The following ZNF107 variants were observed in gnomAD, a reference collection of about 807,000 sequenced individuals.
ZNF107 encodes the protein zinc finger protein 107, also known as C2H2 type zinc-finger protein.
A neutral mutation model predicts 12.3 loss-of-function variants in ZNF107; 19 were observed. That is an observed-to-expected ratio of 1.55 (90% CI 1.08 to 2.27). The LOEUF (loss-of-function observed/expected upper bound fraction) is 2.27, where lower values mean the gene tolerates loss of function less well. Ranked by LOEUF, ZNF107 falls within the 30% of genes most tolerant of loss-of-function variation. The pLI is 0.00. For synonymous variants in ZNF107, 317 were observed against 330.5 expected, an observed-to-expected ratio of 0.96 and a Z score of 0.44; for missense variants, 958 against 979.9, an observed-to-expected ratio of 0.98 and a Z score of 0.30.
intron 1 of ZNF107, among the ~76,000 whole-genome samples, chr7:64,689,021 T>C (rs1256637009): frequency 6.6e-6 from 1 of 152,182 alleles, no homozygotes; most frequent in Non-Finnish European, 1.5e-5. Flanking sequence ...AAAGTGTAGA[T>C]TCCTGGCAAC....
At position 64,704,778 on chromosome 7, in the gene ZNF107, C is replaced by T. The variant is rs150680479; in HGVS notation, c.227-1546C>T. Among the ~76,000 whole-genome samples, 291 of 152,124 alleles carry T rather than the reference C, an allele frequency of 1.9e-3. 1 individual carries two copies. The highest frequency in any genetic ancestry group is 6.3e-3 in the African/African-American group (261 of 41,508). On this transcript the variant is annotated intron_variant, in intron 3 of 3. Transcript: ENST00000620827. ...GCAGCCTCCACCTCCAGGGTTCAAG[C>T]GATTCTTCTGCCTCAGCTTCCCAAG...
chr7:64,687,428 G>T, intron 1 of ZNF107: 1 of 985,510 alleles, frequency 1.0e-6, no homozygotes, highest in African/African-American at 1.7e-5. Context: ...TGGCATTGAA[G>T]TGCTGCTGTG....
At position 64,700,506 on chromosome 7, in the gene ZNF107, C is replaced by CTTTTTTTTTTTT. The variant is rs141980471; in HGVS notation, c.227-5800_227-5789dup. Reference sequence around the variant, plus strand: ...GTCTGTCAAACCAAGCCAAATAAACCTTTTTTTTTTTTTTTTTTTTTTTTT... The same window carrying CTTTTTTTTTTTT: ...GTCTGTCAAACCAAGCCAAATAAACCTTTTTTTTTTTTTTTTTTTTTTTTTTTTTTTTTTTTT... On this transcript the variant is annotated intron_variant, in intron 3 of 3. Transcript: ENST00000620827. 3.6e-4 allele frequency among the ~76,000 whole-genome samples: 24 copies of CTTTTTTTTTTTT among 66,250 alleles called. 2 individuals carry two copies. Among genetic ancestry groups the CTTTTTTTTTTTT allele is most frequent in the African/African-American group, 1.2e-3 (20 of 16,230 alleles). 43.5% of individuals were successfully genotyped at this position (66,250 alleles called of 152,430 possible).
At chr7:64,695,854 A>G (rs1283228261) in intron 3 of ZNF107, among the ~76,000 whole-genome samples, 1 of 152,168 alleles carries the variant, frequency 6.6e-6, no homozygotes, top group Non-Finnish European at 1.5e-5. Context: ...TTATAATTCT[A>G]TATTTTTTTC....
rs953546715 is a variant in ZNF107 at position 64,693,003 on chromosome 7, A to C, written c.226+1043A>C. 2.1e-4 allele frequency among the ~76,000 whole-genome samples: 31 copies of C among 150,552 alleles called. 1 individual carries two copies. Among genetic ancestry groups the C allele is most frequent in the East Asian group, 1.6e-3 (8 of 5,130 alleles). Reference sequence around the variant, plus strand: ...GTTTTATTTTATTTTATTTTTCTTTATTTATTTATTTGTGAGACAGAGTCT... The same window carrying C: ...GTTTTATTTTATTTTATTTTTCTTTCTTTATTTATTTGTGAGACAGAGTCT... On this transcript the variant is annotated intron_variant, in intron 3 of 3. Coordinates refer to ENST00000620827, the MANE Select transcript of ZNF107 (RefSeq NM_001282359.2).
intron 1 of ZNF107, among the ~76,000 whole-genome samples, chr7:64,680,037 C>A (rs555539703): frequency 1.3e-5 from 2 of 152,228 alleles, no homozygotes; most frequent in African/African-American, 4.8e-5. Flanking sequence ...GGTCCCAACC[C>A]TTCTCCAGAC....
At chr7:64,676,060 C>T (rs1789405357) in intron 1 of ZNF107, among the ~76,000 whole-genome samples, 2 of 152,196 alleles carry the variant, frequency 1.3e-5, no homozygotes, top group Non-Finnish European at 2.9e-5. Context: ...CCATGTTGGT[C>T]AGGCTGGTCT....
In ZNF107 at chr7:64,707,622, T is replaced by C; in HGVS notation, c.1525T>C (p.Tyr509His). Residue 509 changes from tyrosine (Y) to histidine (H), a missense_variant, in exon 4 of 4, where the codon TAC (tyrosine) becomes CAC (histidine). By Grantham distance (83) the Tyr-to-His change is moderately conservative. Transcript: ENST00000620827. ...GAAAATTCATACTGGAGAGAAACCC[T>C]ACAAATGTGAAGAATGTGACAGAGC... is the stretch of plus-strand genomic sequence containing the variant. ...HKKIHTGEKP[Y>H]KCEECDRAFS... The C allele has an allele frequency of 6.2e-7, 1 of 1,612,800 alleles. No individual in the cohort carries two copies. The highest frequency in any genetic ancestry group is 8.5e-7 in the Non-Finnish European group (1 of 1,179,594).
intron 1 of ZNF107, among the ~76,000 whole-genome samples, chr7:64,671,326 A>G (rs562115763): frequency 6.6e-6 from 1 of 152,270 alleles, no homozygotes; most frequent in Non-Finnish European, 1.5e-5. Flanking sequence ...TGATGTGTCC[A>G]CACCCCTCCC....
intron 1 of ZNF107, among the ~76,000 whole-genome samples, chr7:64,675,974 C>T (rs1282805750): frequency 2.0e-5 from 3 of 152,172 alleles, no homozygotes; most frequent in African/African-American, 7.2e-5. Flanking sequence ...GCCTCAGCCT[C>T]CTGAGTAGCT....
At chr7:64,701,459 CAGGGTTTA>C (rs1463235451) in intron 3 of ZNF107, among the ~76,000 whole-genome samples, 2 of 150,616 alleles carry the variant, frequency 1.3e-5, no homozygotes, top group African/African-American at 4.9e-5. Flanking sequence ...CTAGTAGAGA[CAGGGTTTA>C]CCATGTTGGC....
intron 3 of ZNF107, among the ~76,000 whole-genome samples, chr7:64,694,264 C>G (rs2128963778): frequency 6.6e-6 from 1 of 152,358 alleles, no homozygotes; most frequent in South Asian, 2.1e-4. Context: ...CTCTCGCAGA[C>G]TGTGGCTGGG....
chr7:64,670,090 A>G (rs1240230358), intron 1 of ZNF107, among the ~76,000 whole-genome samples: 2 of 152,192 alleles, frequency 1.3e-5, no homozygotes, highest in Admixed American at 6.5e-5. Flanking sequence ...AGTTAACGTT[A>G]AGATGGAAGG....
chr7:64,699,896 G>A (rs577462993), intron 3 of ZNF107, among the ~76,000 whole-genome samples: 92 of 151,802 alleles, frequency 6.1e-4, no homozygotes, highest in African/African-American at 2.1e-3. Context: ...GTGAAATCCC[G>A]TCTCTACTAA....
At position 64,709,563 on chromosome 7, in the gene ZNF107, T is replaced by G. The variant is rs1790815462; in HGVS notation, c.*907T>G. On this transcript the variant is annotated 3_prime_UTR_variant, in exon 4 of 4. Coordinates refer to ENST00000620827, the MANE Select transcript of ZNF107 (RefSeq NM_001282359.2). Reference sequence around the variant, plus strand: ...TGAAAAATATCACAAAGCCTTTAAATGGTTGTCACACTTGATTGTAGGTAA... The same window carrying G: ...TGAAAAATATCACAAAGCCTTTAAAGGGTTGTCACACTTGATTGTAGGTAA... 2.6e-6 allele frequency: 1 copy of G among 388,648 alleles called. No individual in the cohort carries two copies. Among genetic ancestry groups the G allele is most frequent in the Non-Finnish European group, 4.9e-6 (1 of 202,230 alleles). 24.1% of individuals were successfully genotyped at this position (388,648 alleles called of 1,614,324 possible).
intron 1 of ZNF107, chr7:64,689,364 G>A (rs970044603): frequency 2.0e-5 from 3 of 152,088 alleles, no homozygotes; most frequent in Non-Finnish European, 4.4e-5. Context: ...ACATCTTAAA[G>A]CTTCCCTTTG....
In ZNF107 at chr7:64,709,852, T is replaced by G. The variant is rs1470033108; in HGVS notation, c.*1196T>G. ...TAAAGTGAAGAAGAGGAGCCAGTTG[T>G]GCTGGCTCACATCTGTAATGCCAGC... is the stretch of plus-strand genomic sequence containing the variant. On this transcript the variant is annotated 3_prime_UTR_variant, in exon 4 of 4. Coordinates refer to ENST00000620827, the MANE Select transcript of ZNF107 (RefSeq NM_001282359.2). 6 of 414,732 alleles carry G rather than the reference T, an allele frequency of 1.4e-5. 1 individual carries two copies. The highest frequency in any genetic ancestry group is 1.3e-4 in the African/African-American group (6 of 47,322). 25.7% of individuals were successfully genotyped at this position (414,732 alleles called of 1,614,324 possible). A position where few individuals can be genotyped will look rare whatever the true frequency, so the allele number is the denominator to read the frequency against.
intron 1 of ZNF107, among the ~76,000 whole-genome samples, chr7:64,681,022 C>T (rs1789646869): frequency 6.6e-6 from 1 of 152,138 alleles, no homozygotes; most frequent in African/African-American, 2.4e-5. Context: ...TAAGCCATGC[C>T]CTGTTTGTGC....
Position 64,708,112 on chromosome 7 carries a change from C to T in ZNF107, c.2015C>T (p.Thr672Ile). ...SNITNHKIIY[T>I]GEKPHKCEEC... ...ATTACTAACCATAAGATAATTTATA[C>T]TGGAGAGAAACCCCACAAATGTGAA... is the stretch of plus-strand genomic sequence containing the variant. Residue 672 changes from threonine (T) to isoleucine (I), a missense_variant, in exon 4 of 4, where the codon ACT becomes ATT. Physicochemically the swap from Thr to Ile is moderately conservative, Grantham distance 89. Coordinates refer to ENST00000620827, the MANE Select transcript of ZNF107 (RefSeq NM_001282359.2). 1 of 1,612,880 alleles carries T rather than the reference C, an allele frequency of 6.2e-7. No individual in the cohort carries two copies. Among genetic ancestry groups the T allele is most frequent in the South Asian group, 1.1e-5 (1 of 90,838 alleles).
Sources: gnomAD v4.1 joint callset for allele counts (sites outside exome capture counted in the v4.1 genomes callset) on GRCh38, gnomAD v4.1.1 for gene constraint, MANE v1.5 for transcripts, NCBI Gene and HGNC (gene_info 2026-07-23, HGNC 2026-07-21) for gene names.